SBF2: variants seen among roughly 807,000 people sequenced by gnomAD.
SBF2 encodes the protein myotubularin-related protein 13.
A neutral mutation model predicts 225.2 loss-of-function variants in SBF2; 112 were observed. That is an observed-to-expected ratio of 0.50 (90% confidence interval 0.43 to 0.58). The LOEUF is 0.58. Ranked by LOEUF, SBF2 falls within the 20% of genes least tolerant of loss-of-function variation. The pLI, the probability that SBF2 is intolerant of heterozygous loss-of-function variation, is 0.00. For synonymous variants in SBF2, 763 were observed against 773.3 expected, an observed-to-expected ratio of 0.99 and a Z score of 0.22; for missense variants, 1,996 against 2,206.2, an observed-to-expected ratio of 0.90 and a Z score of 1.91.
chr11:9,941,288 C>A (rs1379835803), intron 16 of SBF2, among the ~76,000 whole-genome samples: 1 of 152,026 alleles, frequency 6.6e-6, no homozygotes, highest in Non-Finnish European at 1.5e-5. Context: ...TGCGTGCCAG[C>A]CCCAGCCTGG....
chr11:10,117,484 C>T (rs1953200474), intron 2 of SBF2, among the ~76,000 whole-genome samples: 1 of 151,172 alleles, frequency 6.6e-6, no homozygotes, highest in African/African-American at 2.4e-5. Context: ...ATCCTGTGTC[C>T]TATTTTGCTT....
intron 16 of SBF2, among the ~76,000 whole-genome samples, chr11:9,949,645 C>T (rs1865746372): frequency 6.6e-6 from 1 of 151,996 alleles, no homozygotes; most frequent in African/African-American, 2.4e-5. Flanking sequence ...TTTTAATGCA[C>T]TACTGGATTA....
chr11:9,795,692 T>C (rs894407801), intron 33 of SBF2, 139 bp downstream of exon 33: 212 of 1,036,640 alleles, frequency 2.0e-4, no homozygotes, highest in Middle Eastern at 3.1e-4. Context: ...TGGCCACTTA[T>C]CCACTCCTCT....
At position 9,812,588 on chromosome 11, in the gene SBF2, T is replaced by C. The variant is rs1362020336; in HGVS notation, c.4099A>G (p.Thr1367Ala). Residue 1367 changes from threonine (T) to alanine (A), a missense_variant, in exon 30 of 40, where the codon ACT becomes GCT. Coordinates refer to ENST00000256190, the MANE Select transcript of SBF2 (RefSeq NM_030962.4). ...TTCAGGAAGGTCACTTCTGAGTCAGTAGGGATGGTGCTTGGGATACAAGCC... is the reference window on the plus strand; with the variant it reads ...TTCAGGAAGGTCACTTCTGAGTCAGCAGGGATGGTGCTTGGGATACAAGCC... ...MRACIPSTIPTDSEVTFLKAL... is the reference protein window; with the variant it reads ...MRACIPSTIPADSEVTFLKAL... 1 of 1,614,230 alleles carries C rather than the reference T, an allele frequency of 6.2e-7. No individual in the cohort carries two copies.
intron 17 of SBF2, among the ~76,000 whole-genome samples, chr11:9,872,190 C>CTA (rs1858831510): frequency 6.6e-6 from 1 of 152,164 alleles, no homozygotes; most frequent in Non-Finnish European, 1.5e-5. Context: ...GAGGTGGAAG[C>CTA]TATTATCCTC....
intron 32 of SBF2, among the ~76,000 whole-genome samples, chr11:9,805,853 C>T (rs1853805157): frequency 6.6e-6 from 1 of 152,116 alleles, no homozygotes; most frequent in African/African-American, 2.4e-5. Context: ...TGATCTCTTA[C>T]CTCGTGATCC....
rs185882617 is a variant in SBF2 at position 9,938,543 on chromosome 11, G to A, written c.1860+23414C>T. On this transcript the variant is annotated intron_variant, in intron 16 of 39. Coordinates refer to ENST00000256190, the MANE Select transcript of SBF2 (RefSeq NM_030962.4). Reference sequence around the variant, plus strand: ...CTTTTATCAAATAAATATGGTATTCGTTTAGAAATAAATATCCATGGATTA... The same window carrying A: ...CTTTTATCAAATAAATATGGTATTCATTTAGAAATAAATATCCATGGATTA... Among the ~76,000 whole-genome samples the A allele has an allele frequency of 3.8e-3, 574 of 151,156 alleles. 3 individuals are homozygous for A. Among genetic ancestry groups the A allele is most frequent in the South Asian group, 5.2e-3 (25 of 4,812 alleles).
At chr11:10,267,779 G>A (rs1235626896) in intron 1 of SBF2, among the ~76,000 whole-genome samples, 2 of 152,264 alleles carry the variant, frequency 1.3e-5, no homozygotes, top group South Asian at 2.1e-4. Flanking sequence ...CAGTAGCAGT[G>A]AAAGGGAGTT....
chr11:10,060,491 C>G (rs1012241603), intron 2 of SBF2, among the ~76,000 whole-genome samples: 3 of 152,082 alleles, frequency 2.0e-5, no homozygotes, highest in Non-Finnish European at 4.4e-5. Flanking sequence ...AAACTATTCC[C>G]AAAAATTGAG....
At chr11:9,883,270 C>A (rs1441744537) in intron 17 of SBF2, among the ~76,000 whole-genome samples, 2 of 151,872 alleles carry the variant, frequency 1.3e-5, no homozygotes, top group African/African-American at 4.8e-5. Context: ...ACCAGTATTT[C>A]TACCATCTAT....
intron 16 of SBF2, among the ~76,000 whole-genome samples, chr11:9,930,597 C>T (rs1039877283): frequency 6.6e-6 from 1 of 152,162 alleles, no homozygotes; most frequent in Admixed American, 6.5e-5. Flanking sequence ...GGTGTCTATA[C>T]ATGTTAAAAA....
At chr11:10,273,018 C>T (rs941605916) in intron 1 of SBF2, among the ~76,000 whole-genome samples, 2 of 149,360 alleles carry the variant, frequency 1.3e-5, no homozygotes, top group Non-Finnish European at 3.0e-5. Context: ...TGCAGTGAGC[C>T]AAGATCGCGC....
intron 2 of SBF2, among the ~76,000 whole-genome samples, chr11:10,106,071 G>C (rs1370803147): frequency 1.3e-5 from 2 of 152,038 alleles, no homozygotes; most frequent in Non-Finnish European, 2.9e-5. Flanking sequence ...TATATGTGCA[G>C]GTTTGTTACA....
intron 1 of SBF2, among the ~76,000 whole-genome samples, chr11:10,248,786 A>G (rs1960045731): frequency 6.6e-6 from 1 of 152,214 alleles, no homozygotes; most frequent in South Asian, 2.1e-4. Context: ...GAAATTCTGT[A>G]AAAATTAACC....
intron 2 of SBF2, among the ~76,000 whole-genome samples, chr11:10,167,137 C>T (rs1205356735): frequency 9.9e-5 from 15 of 152,110 alleles, no homozygotes; most frequent in Admixed American, 9.8e-4. Context: ...CTCTGTCCTT[C>T]TATAAAATAC....
intron 16 of SBF2, chr11:9,959,672 T>C (rs977518348): frequency 5.4e-6 from 4 of 740,368 alleles, no homozygotes; most frequent in Admixed American, 3.5e-5. Context: ...CAGCGCAGTC[T>C]TGCTTGAGTA....
chr11:10,087,946 T>G (rs1463209543), intron 2 of SBF2, among the ~76,000 whole-genome samples: 2 of 152,226 alleles, frequency 1.3e-5, no homozygotes, highest in Non-Finnish European at 2.9e-5. Flanking sequence ...GAGATTTATG[T>G]ACTTAATATG....
chr11:10,147,513 G>C (rs146093363), intron 2 of SBF2, among the ~76,000 whole-genome samples: 2 of 152,002 alleles, frequency 1.3e-5, no homozygotes, highest in Non-Finnish European at 2.9e-5. Flanking sequence ...GGAGCTAAAC[G>C]ATGAGAACCT....
At chr11:10,262,600 G>A (rs1591327533) in intron 1 of SBF2, among the ~76,000 whole-genome samples, 1 of 152,220 alleles carries the variant, frequency 6.6e-6, no homozygotes, top group Admixed American at 6.5e-5. Context: ...TTAGTGATCT[G>A]TTTATTATGC....
Sources: gnomAD v4.1 joint callset for allele counts (sites outside exome capture counted in the v4.1 genomes callset) on GRCh38, gnomAD v4.1.1 for gene constraint, MANE v1.5 for transcripts, NCBI Gene and HGNC (gene_info 2026-07-23, HGNC 2026-07-21) for gene names.